MMP11: variants seen among roughly 807,000 people sequenced by gnomAD.
The protein encoded by MMP11 is matrix metallopeptidase 11, also known as stromelysin-3.
Under a neutral mutation model 49.5 loss-of-function variants are expected in MMP11, and 26 were observed. The ratio of observed to expected loss-of-function variants is 0.52; its 90% confidence interval spans 0.38 to 0.73. MMP11 has a LOEUF of 0.73. Ranked by LOEUF, MMP11 falls within the 30% of genes least tolerant of loss-of-function variation. The probability of loss-of-function intolerance (pLI) is 0.00; values close to 1 mark genes in which losing one functional copy is unlikely to be tolerated. For synonymous variants in MMP11, 265 were observed against 282.3 expected (o/e 0.94, Z 0.62); for missense variants, 624 against 671.2 (o/e 0.93, Z 0.78).
chr22:23,775,832 G>A (rs1927392879), intron 1 of MMP11, among the ~76,000 whole-genome samples: 1 of 152,238 alleles, frequency 6.6e-6, no homozygotes, highest in Admixed American at 6.5e-5. Context: ...TCCCAAGCGT[G>A]GGAGGGGAGG....
chr22:23,773,073 C>G (rs546387897), intron 1 of MMP11, 95 bp downstream of exon 1: 5 of 1,072,678 alleles, frequency 4.7e-6, no homozygotes, highest in Admixed American at 5.3e-5. Flanking sequence ...GGGGGCGCCC[C>G]GGGTGGCCTC....
In MMP11 at chr22:23,783,384, C is replaced by T. The variant is rs780760896; in HGVS notation, c.1334-27C>T. ...GGAGTAGGGCCCAGTGTCCGCTCGC[C>T]CAGGCTTGACCACCTTCTCTTCTCA... is the stretch of plus-strand genomic sequence containing the variant. On this transcript the variant is annotated intron_variant, in intron 7 of 7. Transcript: ENST00000215743. The T allele has an allele frequency of 5.9e-5, 95 of 1,612,252 alleles. No homozygotes were observed. The Admixed American group carries it at 1.1e-3, about 19-fold the overall frequency.
chr22:23,783,476 G>A lies in MMP11; in HGVS notation c.1399G>A (p.Glu467Lys). 1 of 1,614,196 alleles carries A rather than the reference G, an allele frequency of 6.2e-7. No individual in the cohort carries two copies. Among genetic ancestry groups the A allele is most frequent in the Non-Finnish European group, 8.5e-7 (1 of 1,180,014 alleles). Residue 467 changes from glutamate to lysine, a missense_variant, in exon 8 of 8, where the codon GAA becomes AAA. Transcript: ENST00000215743. ...TGACCCTGTGAAGGTGAAGGCTCTGGAAGGCTTCCCCCGTCTCGTGGGTCC... is the reference window on the plus strand; with the variant it reads ...TGACCCTGTGAAGGTGAAGGCTCTGAAAGGCTTCCCCCGTCTCGTGGGTCC... ...KFDPVKVKALEGFPRLVGPDF... is the reference protein window; with the variant it reads ...KFDPVKVKALKGFPRLVGPDF...
rs4571168 is a variant in MMP11 at position 23,779,389 on chromosome 22, G to C, written c.311G>C (p.Arg104Pro). ...RQKRFVLSGGRWEKTDLTYRI... is the reference protein window; with the variant it reads ...RQKRFVLSGGPWEKTDLTYRI... ...AAGAGGTTCGTGCTTTCTGGCGGGC[G>C]CTGGGAGAAGACGGACCTCACCTAC... Residue 104 changes from arginine to proline, a missense_variant, in exon 2 of 8, where the codon CGC becomes CCC. By Grantham distance (103) the Arg-to-Pro change is moderately radical. Transcript: ENST00000215743. 1 of 1,612,486 alleles carries C rather than the reference G, an allele frequency of 6.2e-7. No individual in the cohort carries two copies. The highest frequency in any genetic ancestry group is 8.5e-7 in the Non-Finnish European group (1 of 1,179,698).
rs1367745878 is a variant in MMP11 at position 23,780,165 on chromosome 22, A to G, written c.339-194A>G. The stretch of plus-strand genomic sequence containing the variant: ...TGAATTCAGACACTTGTATTTGCCT[A>G]AGTATGAGCAAACCACATACACATG... On this transcript the variant is annotated intron_variant, in intron 2 of 7. Coordinates refer to ENST00000215743, the MANE Select transcript of MMP11 (RefSeq NM_005940.5). The surrounding 1 kb of genome is among the most constrained non-coding windows in gnomAD (Gnocchi z 4.6). 3.1e-6 allele frequency: 2 copies of G among 650,438 alleles called. No individual in the cohort carries two copies. The highest frequency in any genetic ancestry group is 2.7e-5 in the East Asian group (1 of 36,482). The allele number at this position is 650,438 out of a possible 1,614,324, so 40.3% of individuals were successfully genotyped here.
rs1033285074 is a variant in MMP11 at position 23,783,712 on chromosome 22, C to T, written c.*168C>T. On this transcript the variant is annotated 3_prime_UTR_variant, in exon 8 of 8. Coordinates refer to ENST00000215743, the MANE Select transcript of MMP11 (RefSeq NM_005940.5). ...CCACCATGACAACTGCCGGGAGGGC[C>T]ACGCAGGTCGTGGTCACCTGCCAGC... 3 of 906,912 alleles carry T rather than the reference C, an allele frequency of 3.3e-6. No individual in the cohort carries two copies. The highest frequency in any genetic ancestry group is 2.4e-5 in the Admixed American group (1 of 41,382). 56.2% of individuals were successfully genotyped at this position (906,912 alleles called of 1,614,324 possible).
intron 5 of MMP11, 27 bp downstream of exon 5, chr22:23,781,127 ACTC>A (rs1927610641): frequency 6.2e-7 from 1 of 1,604,836 alleles, no homozygotes; most frequent in African/African-American, 1.3e-5. Flanking sequence ...CAGTCCCCCT[ACTC>A]CTCTGCTGGC....
chr22:23,781,427 A>T lies in MMP11; in HGVS notation c.1075+18A>T. On this transcript the variant is annotated intron_variant, in intron 6 of 7. Transcript: ENST00000215743. ...CTTCCAAGGTGAGTGGGGGTTGGGG[A>T]TCTGCTCGAGAGACTTCCCAGAGCC... 6.4e-7 allele frequency: 1 copy of T among 1,572,502 alleles called. No homozygotes were observed.
At chr22:23,773,286 G>A (rs1927300170) in intron 1 of MMP11, among the ~76,000 whole-genome samples, 1 of 152,178 alleles carries the variant, frequency 6.6e-6, no homozygotes, top group African/African-American at 2.4e-5. Flanking sequence ...GTGCGTTGAA[G>A]GAAGCAGCAG....
rs573837633 is a variant in MMP11 at position 23,781,234 on chromosome 22, G to C, written c.900G>C (p.Ala300=). ...ATGCCTGTGAGGCCTCCTTTGACGC[G>C]GTCTCCACCATCCGAGGCGAGCTCT... ...PPDACEASFD[A]VSTIRGELFF... Residue 300 remains alanine (A), a synonymous_variant, in exon 6 of 8, where the codon GCG becomes GCC. Coordinates refer to ENST00000215743, the MANE Select transcript of MMP11 (RefSeq NM_005940.5). The C allele has an allele frequency of 1.9e-6, 3 of 1,611,626 alleles. No homozygotes were observed. In the South Asian group the frequency reaches 3.3e-5, roughly 18 times the overall value.
In MMP11 at chr22:23,779,173, A is replaced by T. The variant is rs368637092; in HGVS notation, c.109-14A>T. 14 of 1,564,982 alleles carry T rather than the reference A, an allele frequency of 8.9e-6. No homozygotes were observed. The highest frequency in any genetic ancestry group is 1.1e-5 in the Non-Finnish European group (13 of 1,156,690). On this transcript the variant is annotated splice_polypyrimidine_tract_variant and intron_variant, in intron 1 of 7. Coordinates refer to ENST00000215743, the MANE Select transcript of MMP11 (RefSeq NM_005940.5). ...TTAGGCCTGACCAGACCCTCATGTC[A>T]TCCTCCTGCCTAGGACGCCCACCAC... is the stretch of plus-strand genomic sequence containing the variant.
chr22:23,773,073 C>T (rs546387897), intron 1 of MMP11, 95 bp downstream of exon 1: 2 of 1,072,794 alleles, frequency 1.9e-6, no homozygotes, highest in South Asian at 4.4e-5. Context: ...GGGGGCGCCC[C>T]GGGTGGCCTC....
At position 23,783,437 on chromosome 22, in the gene MMP11, C is replaced by G; in HGVS notation, c.1360C>G (p.Leu454Val). The G allele has an allele frequency of 1.9e-6, 3 of 1,614,226 alleles. No individual in the cohort carries two copies. Among genetic ancestry groups the G allele is most frequent in the Non-Finnish European group, 2.5e-6 (3 of 1,180,028 alleles). The change falls in exon 8 of 8, where the codon CTC (leucine) becomes GTC (valine). Residue 454 changes from leucine (L) to valine (V), a missense_variant. Coordinates refer to ENST00000215743, the MANE Select transcript of MMP11 (RefSeq NM_005940.5). ...DGYAYFLRGR[L>V]YWKFDPVKVK... The stretch of plus-strand genomic sequence containing the variant: ...CTATGCCTACTTCCTGCGCGGCCGC[C>G]TCTACTGGAAGTTTGACCCTGTGAA...
At position 23,779,428 on chromosome 22, in the gene MMP11, G is replaced by C; in HGVS notation, c.338+12G>C. ...GACCTCACCTACAGGTAGGGGCCTG[G>C]GAGCAGGACACTAGGATGCCACCTG... is the stretch of plus-strand genomic sequence containing the variant. On this transcript the variant is annotated intron_variant, in intron 2 of 7. Coordinates refer to ENST00000215743, the MANE Select transcript of MMP11 (RefSeq NM_005940.5). The C allele has an allele frequency of 6.2e-7, 1 of 1,601,928 alleles. No individual in the cohort carries two copies. The highest frequency in any genetic ancestry group is 8.5e-7 in the Non-Finnish European group (1 of 1,173,384).
rs1436956419 is a variant in MMP11 at position 23,781,401 on chromosome 22, T to C, written c.1067T>C (p.Phe356Ser). 6.2e-7 allele frequency: 1 copy of C among 1,601,342 alleles called. No homozygotes were observed. The highest frequency in any genetic ancestry group is 8.5e-7 in the Non-Finnish European group (1 of 1,173,862). Reference protein sequence around the residue: ...AFEDAQGHIWFFQGAQYWVYD... With the variant: ...AFEDAQGHIWSFQGAQYWVYD... ...GAGGATGCCCAGGGCCACATTTGGT[T>C]CTTCCAAGGTGAGTGGGGGTTGGGG... Residue 356 changes from phenylalanine (F) to serine (S), a missense_variant, in exon 6 of 8, where the codon TTC becomes TCC. Coordinates refer to ENST00000215743, the MANE Select transcript of MMP11 (RefSeq NM_005940.5).
chr22:23,783,456 C>T lies in MMP11; in HGVS notation c.1379C>T (p.Pro460Leu). ...GGCCGCCTCTACTGGAAGTTTGACC[C>T]TGTGAAGGTGAAGGCTCTGGAAGGC... ...LRGRLYWKFD[P>L]VKVKALEGFP... Residue 460 changes from proline to leucine, a missense_variant, in exon 8 of 8, where the codon CCT becomes CTT. Pro to Leu is a moderately conservative substitution (Grantham distance 98). Transcript: ENST00000215743. The T allele has an allele frequency of 6.2e-7, 1 of 1,614,184 alleles. No homozygotes were observed. The highest frequency in any genetic ancestry group is 1.1e-5 in the South Asian group (1 of 91,078).
At chr22:23,778,945 G>A (rs1350432573) in intron 1 of MMP11, among the ~76,000 whole-genome samples, 2 of 152,160 alleles carry the variant, frequency 1.3e-5, no homozygotes, top group Admixed American at 6.5e-5. Flanking sequence ...TAGGTGACAG[G>A]CAGCCCAGGG....
intron 1 of MMP11, among the ~76,000 whole-genome samples, chr22:23,775,466 A>G (rs955353786): frequency 6.6e-6 from 1 of 152,226 alleles, no homozygotes; most frequent in East Asian, 1.9e-4. Context: ...TGGAAAGATG[A>G]AGTGTGGGAG....
At chr22:23,781,589 G>A (rs1016880083) in intron 6 of MMP11, 180 bp downstream of exon 6, 20 of 653,624 alleles carry the variant, frequency 3.1e-5, no homozygotes, top group African/African-American at 2.0e-4. Context: ...GGAGGTTCTC[G>A]GAGGTGGCTC....
Sources: gnomAD v4.1 joint callset for allele counts (sites outside exome capture counted in the v4.1 genomes callset) on GRCh38, gnomAD v4.1.1 for gene constraint, Gnocchi (gnomAD v3.1) non-coding constraint, MANE v1.5 for transcripts, NCBI Gene and HGNC (gene_info 2026-07-23, HGNC 2026-07-21) for gene names.